Variants in GRIA3 observed in about 807,000 individuals in gnomAD.
The protein encoded by GRIA3 is glutamate ionotropic receptor AMPA type subunit 3.
A neutral mutation model predicts 63.0 loss-of-function variants in GRIA3; 3 were observed. That is an observed-to-expected ratio of 0.05 (90% CI 0.02 to 0.12). The LOEUF (loss-of-function observed/expected upper bound fraction) is 0.12, where lower values mean the gene tolerates loss of function less well. GRIA3 is among the 10% of genes least tolerant of loss of function. The probability of loss-of-function intolerance (pLI) is 1.00; values close to 1 mark genes in which losing one functional copy is unlikely to be tolerated. For missense variants in GRIA3, 347 were observed against 700.9 expected, an observed-to-expected ratio of 0.50 and a Z score of 5.70; for synonymous variants, 274 against 257.9, an observed-to-expected ratio of 1.06 and a Z score of -0.60.
chrX:123,218,304 T>G (rs1440392922), intron 2 of GRIA3, among the ~76,000 whole-genome samples: 1 of 111,727 alleles, frequency 9.0e-6, no homozygotes, highest in African/African-American at 3.3e-5. Flanking sequence ...TATTAGAGGC[T>G]GTAGACACCA....
In GRIA3 at chrX:123,369,125, G is replaced by C. The variant is rs758552449; in HGVS notation, c.750+14162G>C. On this transcript the variant is annotated intron_variant, in intron 5 of 15. Transcript: ENST00000620443. ...CTCCTCCTTTCCCCTTTTACTTACTGTATGTGTGATACTCAGATCTGTTGA... is the reference window on the plus strand; with the variant it reads ...CTCCTCCTTTCCCCTTTTACTTACTCTATGTGTGATACTCAGATCTGTTGA... Among the ~76,000 whole-genome samples the C allele has an allele frequency of 1.8e-4, 20 of 111,251 alleles. No homozygotes were observed. The South Asian group carries it at 7.2e-3, about 40-fold the overall frequency.
chrX:123,482,128 A>G (rs1312228777), intron 14 of GRIA3, among the ~76,000 whole-genome samples: 1 of 112,098 alleles, frequency 8.9e-6, no homozygotes, highest in Admixed American at 9.5e-5. Context: ...CAACACAAAG[A>G]CTTGCTGCCC....
chrX:123,308,564 A>C lies in GRIA3; in HGVS notation c.509-17462A>C, dbSNP rs150045141. ...TGGCAGTCAACAATAGCATCCTTTC[A>C]TATTAAGGCTAAAAGAATTTTTAGG... On this transcript the variant is annotated intron_variant, in intron 3 of 15. Transcript: ENST00000620443. Among the ~76,000 whole-genome samples the C allele has an allele frequency of 2.1e-3, 230 of 111,904 alleles. 1 individual carries two copies. The highest frequency in any genetic ancestry group is 4.6e-3 in the Middle Eastern group (1 of 218).
chrX:123,412,034 A>G, intron 10 of GRIA3, among the ~76,000 whole-genome samples: 1 of 111,628 alleles, frequency 9.0e-6, no homozygotes, highest in East Asian at 2.8e-4. Context: ...CCCAGCCTAC[A>G]GCTGGCTTTC....
chrX:123,479,957 C>A, intron 13 of GRIA3, 106 bp from the exon 14 acceptor site: 1 of 573,661 alleles, frequency 1.7e-6, no homozygotes, highest in Non-Finnish European at 2.9e-6. Context: ...TACTCTGTGG[C>A]CAGGGCCCCC....
intron 2 of GRIA3, among the ~76,000 whole-genome samples, chrX:123,241,742 G>A (rs1192547141): frequency 2.7e-5 from 3 of 110,171 alleles, no homozygotes; most frequent in African/African-American, 9.9e-5. Flanking sequence ...GCGATAGGCT[G>A]AAAAAAAGAA....
intron 3 of GRIA3, among the ~76,000 whole-genome samples, chrX:123,301,190 G>A (rs781196403): frequency 2.7e-5 from 3 of 110,907 alleles, no homozygotes; most frequent in Non-Finnish European, 5.7e-5. Flanking sequence ...AGGTCCGTTT[G>A]GTCCAGTGTT....
intron 4 of GRIA3, among the ~76,000 whole-genome samples, chrX:123,341,612 C>A (rs1311314695): frequency 8.9e-6 from 1 of 112,488 alleles, no homozygotes; most frequent in Non-Finnish European, 1.9e-5. Flanking sequence ...AATTTGTGTG[C>A]TCTCTGATTT....
intron 3 of GRIA3, among the ~76,000 whole-genome samples, chrX:123,323,244 T>A (rs986820367): frequency 8.9e-6 from 1 of 112,053 alleles, no homozygotes; most frequent in African/African-American, 3.2e-5. Flanking sequence ...AAACATATAG[T>A]TTCTTTACAA....
intron 2 of GRIA3, among the ~76,000 whole-genome samples, chrX:123,208,363 G>C (rs1439366274): frequency 8.9e-6 from 1 of 112,244 alleles, no homozygotes; most frequent in Non-Finnish European, 1.9e-5. Flanking sequence ...TAGATCTTTT[G>C]TAAAATGAAA....
At chrX:123,283,973 G>A (rs1603068057) in intron 3 of GRIA3, among the ~76,000 whole-genome samples, 1 of 112,637 alleles carries the variant, frequency 8.9e-6, no homozygotes, top group Admixed American at 9.3e-5. Context: ...CCAACAGGGG[G>A]CAAAAGACAC....
intron 2 of GRIA3, among the ~76,000 whole-genome samples, chrX:123,191,567 T>C (rs763988271): frequency 1.4e-4 from 16 of 111,720 alleles, no homozygotes; most frequent in African/African-American, 5.2e-4. Flanking sequence ...TTGCCATTAT[T>C]TTCTTCTCTT....
chrX:123,372,191 G>T (rs2045251490), intron 5 of GRIA3, among the ~76,000 whole-genome samples: 1 of 111,699 alleles, frequency 9.0e-6, no homozygotes, highest in Admixed American at 9.5e-5. Context: ...AACTGTAGGT[G>T]TGTGGATTTG....
chrX:123,413,001 T>G (rs2045515363), intron 10 of GRIA3, among the ~76,000 whole-genome samples: 2 of 111,930 alleles, frequency 1.8e-5, no homozygotes, highest in South Asian at 3.7e-4. Flanking sequence ...CTTCCTGTTG[T>G]CTTTTGTGAT....
At chrX:123,350,797 C>T (rs1483695195) in intron 4 of GRIA3, among the ~76,000 whole-genome samples, 1 of 112,485 alleles carries the variant, frequency 8.9e-6, no homozygotes, top group African/African-American at 3.2e-5. Flanking sequence ...ACGAATGAAA[C>T]TCTACTGATA....
At chrX:123,482,257 G>A (rs1227994725) in intron 14 of GRIA3, among the ~76,000 whole-genome samples, 3 of 112,202 alleles carry the variant, frequency 2.7e-5, no homozygotes, top group Non-Finnish European at 5.6e-5. Context: ...TAACTCCTCA[G>A]AGAAAAATAG....
At chrX:123,400,970 C>T (rs1360601178) in intron 7 of GRIA3, among the ~76,000 whole-genome samples, 2 of 111,701 alleles carry the variant, frequency 1.8e-5, no homozygotes, top group Non-Finnish European at 3.8e-5. Flanking sequence ...CTGCTCTATC[C>T]CAGGCACAAC....
At chrX:123,360,411 G>A (rs1315873818) in intron 5 of GRIA3, among the ~76,000 whole-genome samples, 3 of 107,837 alleles carry the variant, frequency 2.8e-5, no homozygotes, top group African/African-American at 6.8e-5. Context: ...GGCCGGGAGC[G>A]ATGGCTCATG....
At chrX:123,271,869 G>A (rs1028333809) in intron 3 of GRIA3, among the ~76,000 whole-genome samples, 5 of 111,975 alleles carry the variant, frequency 4.5e-5, no homozygotes, top group African/African-American at 1.6e-4. Context: ...TGTTCTTCCT[G>A]TCACTCCATA....
Sources: gnomAD v4.1 joint callset for allele counts (sites outside exome capture counted in the v4.1 genomes callset) on GRCh38, gnomAD v4.1.1 for gene constraint, MANE v1.5 for transcripts, NCBI Gene and HGNC (gene_info 2026-07-23, HGNC 2026-07-21) for gene names.